NDUFA10: variants seen among roughly 807,000 people sequenced by gnomAD.
The protein encoded by NDUFA10 is NADH:ubiquinone oxidoreductase subunit A10, also known as NADH dehydrogenase [ubiquinone] 1 alpha subcomplex subunit 10, mitochondrial.
In NDUFA10, 40 loss-of-function variants were observed where a neutral mutation model predicts 47.8. That is an observed-to-expected ratio of 0.84 (90% confidence interval 0.65 to 1.09). The LOEUF (loss-of-function observed/expected upper bound fraction) is 1.09. Among genes scored for constraint, NDUFA10 ranks in the 50% least tolerant of loss-of-function variants. The pLI is 0.00. For synonymous variants in NDUFA10, 183 were observed against 172.2 expected, an observed-to-expected ratio of 1.06 and a Z score of -0.49; for missense variants, 413 against 451.1, an observed-to-expected ratio of 0.92 and a Z score of 0.76.
intron 9 of NDUFA10, among the ~76,000 whole-genome samples, chr2:239,989,359 A>G (rs1408315348): frequency 6.6e-6 from 1 of 152,226 alleles, no homozygotes; most frequent in Non-Finnish European, 1.5e-5. Flanking sequence ...TTAGATTTCA[A>G]CTCATCTACA....
chr2:239,982,300 T>C, intron 9 of NDUFA10: 5 of 1,570,642 alleles, frequency 3.2e-6, no homozygotes, highest in Non-Finnish European at 4.3e-6. Context: ...ACTTGTCTTT[T>C]GCAATTTTCA....
chr2:239,973,381 G>C (rs1182259366), intron 9 of NDUFA10: 1 of 391,514 alleles, frequency 2.6e-6, no homozygotes, highest in African/African-American at 2.1e-5. Flanking sequence ...ATTTCATAAA[G>C]GCAAGAACAT....
At chr2:239,915,192 C>T (rs569629386) in intron 4 of NDUFA10, among the ~76,000 whole-genome samples, 7 of 144,968 alleles carry the variant, frequency 4.8e-5, no homozygotes, top group East Asian at 2.0e-4. Flanking sequence ...AGAACACACA[C>T]GTATACAGAC....
chr2:240,014,892 T>C lies in NDUFA10; in HGVS notation c.548-32A>G, dbSNP rs532211251. The C allele has an allele frequency of 2.4e-4, 388 of 1,613,988 alleles. 3 individuals carry two copies. The highest frequency in any genetic ancestry group is 1.6e-3 in the South Asian group (144 of 91,082). ...CATAGGAGAAAGGGGCGCTGTCACC[T>C]ACCAGTCCCCACACGGGTTTCCAAA... On this transcript the variant is annotated intron_variant, in intron 4 of 9. Coordinates refer to ENST00000252711, the MANE Select transcript of NDUFA10 (RefSeq NM_004544.4).
At chr2:239,943,844 A>G (rs1694400672) in intron 4 of NDUFA10, among the ~76,000 whole-genome samples, 1 of 152,142 alleles carries the variant, frequency 6.6e-6, no homozygotes, top group African/African-American at 2.4e-5. Context: ...CCTGCAGTCC[A>G]AGACTCCTTG....
chr2:240,009,505 C>T (rs1183041331), intron 6 of NDUFA10, among the ~76,000 whole-genome samples: 4 of 152,218 alleles, frequency 2.6e-5, no homozygotes, highest in Non-Finnish European at 5.9e-5. Context: ...ATACACATTC[C>T]TATGAGAGTT....
chr2:239,934,441 A>G (rs909087043), intron 4 of NDUFA10, among the ~76,000 whole-genome samples: 2 of 151,702 alleles, frequency 1.3e-5, no homozygotes, highest in Admixed American at 1.3e-4. Context: ...AATTGTAACA[A>G]TACGGGGTCC....
chr2:239,918,787 C>G (rs982800206), intron 4 of NDUFA10, among the ~76,000 whole-genome samples: 3 of 152,222 alleles, frequency 2.0e-5, no homozygotes, highest in African/African-American at 7.2e-5. Context: ...CGTCAGCTCC[C>G]ACCCGTGTCC....
chr2:239,960,549 T>C lies in NDUFA10; in HGVS notation c.*569A>G. ...AATTTTCTCCTTTTGCTATTTCTTC[T>C]TCACGTTCTTATTTTTTCTACTCTA... On this transcript the variant is annotated 3_prime_UTR_variant, in exon 10 of 10. Coordinates refer to ENST00000252711, the MANE Select transcript of NDUFA10 (RefSeq NM_004544.4). 1.0e-6 allele frequency: 1 copy of C among 999,406 alleles called. No individual in the cohort carries two copies. Among genetic ancestry groups the C allele is most frequent in the Non-Finnish European group, 1.2e-6 (1 of 836,364 alleles). The allele number at this position is 999,406 out of a possible 1,614,324, so 61.9% of individuals were successfully genotyped here. A position where few individuals can be genotyped will look rare whatever the true frequency, so the allele number is the denominator to read the frequency against.
intron 8 of NDUFA10, among the ~76,000 whole-genome samples, chr2:239,994,762 A>G (rs1696398371): frequency 6.6e-6 from 1 of 152,158 alleles, no homozygotes; most frequent in African/African-American, 2.4e-5. Flanking sequence ...ATAATAGAGT[A>G]TATCATTTAG....
rs1451844836 is a variant in NDUFA10, at chr2:239,945,565, C to T, written c.294+44509G>A. ...CCCCGTATGGCCAGGCTGGGAGGAT[C>T]CTGGGGGCTGAGGCTCCCTCCAGGG... On this transcript the variant is annotated intron_variant, in intron 4 of 5. Coordinates refer to the NDUFA10 transcript ENST00000419408. The surrounding 1 kb of genome is among the most constrained non-coding windows in gnomAD (Gnocchi z 4.6). 6.6e-6 allele frequency among the ~76,000 whole-genome samples: 1 copy of T among 152,236 alleles called. No individual in the cohort carries two copies. The highest frequency in any genetic ancestry group is 2.1e-4 in the South Asian group (1 of 4,826).
At chr2:239,953,792 C>T (rs1044623020), downstream of NDUFA10, among the ~76,000 whole-genome samples, 4 of 152,252 alleles carry the variant, frequency 2.6e-5, no homozygotes, top group Non-Finnish European at 4.4e-5. Flanking sequence ...CATGTGGAGA[C>T]AGCACAGCCA....
intron 5 of NDUFA10, chr2:240,014,432 G>A (rs1374817267): frequency 7.0e-6 from 3 of 430,112 alleles, no homozygotes; most frequent in Non-Finnish European, 1.3e-5. Flanking sequence ...GTGACAGAGG[G>A]ATGGAGGACG....
chr2:239,979,132 A>G (rs1387794567), intron 9 of NDUFA10, among the ~76,000 whole-genome samples: 1 of 152,236 alleles, frequency 6.6e-6, no homozygotes, highest in Non-Finnish European at 1.5e-5. Flanking sequence ...CCATCAGTAA[A>G]TTAAATTAAA....
At chr2:239,893,574 C>T (rs13413262) in intron 5 of NDUFA10, among the ~76,000 whole-genome samples, 6 of 152,278 alleles carry the variant, frequency 3.9e-5, no homozygotes, top group Admixed American at 6.5e-5. Flanking sequence ...TCCTCCAGAG[C>T]GGAGAACTGC....
intron 6 of NDUFA10, among the ~76,000 whole-genome samples, chr2:240,011,178 C>G (rs1697123078): frequency 6.6e-6 from 1 of 152,200 alleles, no homozygotes. Context: ...CTAATCCAAA[C>G]ATCTCTCAAG....
chr2:239,939,308 A>G (rs1289778342), intron 4 of NDUFA10, among the ~76,000 whole-genome samples: 1 of 152,208 alleles, frequency 6.6e-6, no homozygotes, highest in Non-Finnish European at 1.5e-5. Flanking sequence ...CAGCCCCAGC[A>G]GGGCACCTGC....
In NDUFA10 at chr2:240,021,298, T is replaced by C; in HGVS notation, c.359A>G (p.Asp120Gly). 6.2e-7 allele frequency: 1 copy of C among 1,614,174 alleles called. No homozygotes were observed. The highest frequency in any genetic ancestry group is 8.5e-7 in the Non-Finnish European group (1 of 1,180,024). Residue 120 changes from aspartate (D) to glycine (G), a missense_variant, in exon 3 of 10, where the codon GAT becomes GGT. Coordinates refer to ENST00000252711, the MANE Select transcript of NDUFA10 (RefSeq NM_004544.4). Reference protein sequence around the residue: ...GNCSLEKFYDDPRSNDGNSYR... With the variant: ...GNCSLEKFYDGPRSNDGNSYR... ...ACTGTTGCCATCATTGCTTCTCGGA[T>C]CATCGTAAAATTTCTCCAAACTACA...
chr2:240,020,399 C>T (rs1697572172), intron 3 of NDUFA10, among the ~76,000 whole-genome samples: 2 of 152,212 alleles, frequency 1.3e-5, no homozygotes, highest in South Asian at 4.1e-4. Context: ...GAACTGAGGA[C>T]CGCCGTGGCA....
Sources: allele counts gnomAD v4.1 joint callset (sites outside exome capture counted in the v4.1 genomes callset), GRCh38; gene constraint gnomAD v4.1.1; non-coding constraint Gnocchi (gnomAD v3.1); transcripts MANE v1.5; gene names NCBI Gene and HGNC (gene_info 2026-07-23, HGNC 2026-07-21).